The following KDM2A variants were observed in gnomAD, a reference collection of about 807,000 sequenced individuals.
The protein encoded by KDM2A is lysine-specific demethylase 2A.
In KDM2A, 3 loss-of-function variants were observed where a neutral mutation model predicts 137.3. The observed-to-expected ratio is 0.02, with a 90% confidence interval of 0.01 to 0.06. KDM2A has a LOEUF of 0.06. Among genes scored for constraint, KDM2A ranks in the 10% least tolerant of loss-of-function variants. The pLI, the probability that KDM2A is intolerant of heterozygous loss-of-function variation, is 1.00. For synonymous variants in KDM2A, 512 were observed against 541.5 expected (o/e 0.95, Z 0.76); for missense variants, 738 against 1,510.6 (o/e 0.49, Z 8.48).
At chr11:67,120,533 C>T (rs1257819877) in intron 1 of KDM2A, among the ~76,000 whole-genome samples, 25 of 152,192 alleles carry the variant, frequency 1.6e-4, no homozygotes, top group South Asian at 2.1e-4. Flanking sequence ...ATGTATTTTC[C>T]TTGTATCCTT....
intron 2 of KDM2A, among the ~76,000 whole-genome samples, chr11:67,126,708 A>G (rs1358689090): frequency 1.8e-5 from 2 of 113,388 alleles, no homozygotes; most frequent in Non-Finnish European, 3.4e-5. Context: ...ACTCCATTTC[A>G]AAAAAAAAAA....
chr11:67,178,609 C>G (rs1051589470), intron 2 of KDM2A, among the ~76,000 whole-genome samples: 3 of 152,044 alleles, frequency 2.0e-5, no homozygotes, highest in Admixed American at 2.0e-4. Context: ...TTTGCCTATT[C>G]TAGACATTTT....
chr11:67,240,028 C>A (rs554340628), intron 12 of KDM2A: 2 of 1,297,880 alleles, frequency 1.5e-6, no homozygotes, highest in African/African-American at 3.0e-5. Context: ...TCGCTCGGCT[C>A]CCCCTCCTGC....
intron 2 of KDM2A, among the ~76,000 whole-genome samples, chr11:67,144,228 T>C (rs1194578311): frequency 6.6e-6 from 1 of 151,106 alleles, no homozygotes; most frequent in African/African-American, 2.4e-5. Context: ...GGTGAGCCAT[T>C]GTACCTGGCC....
At chr11:67,166,267 C>G (rs539201091) in intron 2 of KDM2A, among the ~76,000 whole-genome samples, 7 of 145,778 alleles carry the variant, frequency 4.8e-5, no homozygotes, top group Non-Finnish European at 7.5e-5. Flanking sequence ...TCACTGTAAT[C>G]TCTCCCTCCT....
At chr11:67,238,763 G>T (rs1350675389) in intron 12 of KDM2A, among the ~76,000 whole-genome samples, 1 of 152,190 alleles carries the variant, frequency 6.6e-6, no homozygotes, top group Non-Finnish European at 1.5e-5. Context: ...TGCAAAAAAG[G>T]CAAGTTATAC....
intron 12 of KDM2A, chr11:67,240,156 A>G: frequency 6.8e-7 from 1 of 1,472,200 alleles, no homozygotes; most frequent in Non-Finnish European, 9.0e-7. Context: ...AGAGCGCTGC[A>G]CGCTGCTCCC....
At chr11:67,149,932 G>A (rs1378602990) in intron 2 of KDM2A, among the ~76,000 whole-genome samples, 1 of 151,904 alleles carries the variant, frequency 6.6e-6, no homozygotes, top group Non-Finnish European at 1.5e-5. Flanking sequence ...ATGTTGGCCA[G>A]GCAGGTCTTG....
Position 67,250,151 on chromosome 11 carries a change from C to T in KDM2A, c.2121C>T (p.Ser707=), listed in dbSNP as rs535931048. Residue 707 remains serine, a synonymous_variant, in exon 17 of 21, where the codon AGC becomes AGT. Coordinates refer to ENST00000529006, the MANE Select transcript of KDM2A (RefSeq NM_012308.3). The surrounding 1 kb of genome is among the most constrained non-coding windows in gnomAD (Gnocchi z 7.1). ...CCAAAGTCCTGCGGCCCCTGCGGAG[C>T]TGCGATGAGCCTCTCACGCCCCCGC... ...VQAKVLRPLR[S]CDEPLTPPPH... is the part of the protein sequence containing the mutation. The T allele has an allele frequency of 6.2e-7, 1 of 1,613,360 alleles. No individual in the cohort carries two copies. Among genetic ancestry groups the T allele is most frequent in the Admixed American group, 1.7e-5 (1 of 59,924 alleles).
chr11:67,135,291 C>A (rs183316455), intron 2 of KDM2A, among the ~76,000 whole-genome samples: 74 of 152,228 alleles, frequency 4.9e-4, no homozygotes, highest in African/African-American at 1.7e-3. Flanking sequence ...TGGTCTCGAT[C>A]TCTTGACCTC....
chr11:67,165,823 T>C (rs1856728238), intron 2 of KDM2A, among the ~76,000 whole-genome samples: 1 of 152,172 alleles, frequency 6.6e-6, no homozygotes, highest in African/African-American at 2.4e-5. Context: ...GTAACCTTTC[T>C]TGACTGGCAA....
At chr11:67,128,453 T>G (rs1289803942) in intron 2 of KDM2A, among the ~76,000 whole-genome samples, 1 of 152,212 alleles carries the variant, frequency 6.6e-6, no homozygotes, top group Non-Finnish European at 1.5e-5. Flanking sequence ...ATTGTTGAAT[T>G]AGTTTATTTC....
chr11:67,142,562 T>TTGGGGG (rs1856132977), intron 2 of KDM2A, among the ~76,000 whole-genome samples: 2 of 45,906 alleles, frequency 4.4e-5, no homozygotes, highest in Non-Finnish European at 8.9e-5. Context: ...GGCCGGGGGG[T>TTGGGGG]TGGGGTTGGG....
intron 5 of KDM2A, among the ~76,000 whole-genome samples, chr11:67,207,111 G>GTA (rs1361486763): frequency 6.6e-6 from 1 of 152,190 alleles, no homozygotes; most frequent in East Asian, 1.9e-4. Flanking sequence ...CATCAAATCA[G>GTA]TATAGATCAG....
At chr11:67,209,469 G>GT (rs1449575792) in intron 6 of KDM2A, among the ~76,000 whole-genome samples, 8 of 150,122 alleles carry the variant, frequency 5.3e-5, no homozygotes, top group Admixed American at 5.3e-4. Flanking sequence ...TTTGAGACAG[G>GT]TTCTCGCTCT....
intron 18 of KDM2A, 78 bp from the exon 19 acceptor site, chr11:67,253,375 C>G: frequency 7.6e-7 from 1 of 1,308,290 alleles, no homozygotes; most frequent in Non-Finnish European, 1.1e-6. Flanking sequence ...GAAGTTTGTT[C>G]ACTTTGCTCA....
intron 15 of KDM2A, among the ~76,000 whole-genome samples, chr11:67,247,420 A>G (rs533975250): frequency 3.6e-5 from 2 of 55,104 alleles, no homozygotes; most frequent in Admixed American, 2.6e-4. Flanking sequence ...CAGCATTACA[A>G]TCTTTTTTTT....
At chr11:67,238,156 C>CT (rs1342789468) in intron 12 of KDM2A, among the ~76,000 whole-genome samples, 1 of 151,844 alleles carries the variant, frequency 6.6e-6, no homozygotes, top group Non-Finnish European at 1.5e-5. Flanking sequence ...TAATTCTTAT[C>CT]TTTTTTGCCT....
Position 67,258,006 on chromosome 11 carries a change from ATATTT to A in KDM2A, c.*2954_*2958del, listed in dbSNP as rs1344813098. 2 of 152,224 alleles carry A rather than the reference ATATTT, an allele frequency of 1.3e-5. No individual in the cohort carries two copies. The highest frequency in any genetic ancestry group is 2.9e-5 in the Non-Finnish European group (2 of 68,038). 9.4% of individuals were successfully genotyped at this position (152,224 alleles called of 1,614,324 possible). On this transcript the variant is annotated 3_prime_UTR_variant, in exon 21 of 21. Transcript: ENST00000529006. ...AAAAAGAAATAGCCTCCAATGGGAA[ATATTT>A]TAATTTAGGTTTTGTTTTTGTTTGG... is the stretch of plus-strand genomic sequence containing the variant.
Sources: allele counts gnomAD v4.1 joint callset (sites outside exome capture counted in the v4.1 genomes callset), GRCh38; gene constraint gnomAD v4.1.1; non-coding constraint Gnocchi (gnomAD v3.1); transcripts MANE v1.5; gene names NCBI Gene and HGNC (gene_info 2026-07-23, HGNC 2026-07-21).